PAM: variants seen among roughly 807,000 people sequenced by gnomAD.
PAM encodes peptidylglycine alpha-amidating monooxygenase.
Under a neutral mutation model 122.1 loss-of-function variants are expected in PAM, and 72 were observed. That is an observed-to-expected ratio of 0.59 (90% CI 0.49 to 0.72). The LOEUF (loss-of-function observed/expected upper bound fraction) is 0.72. PAM is among the 30% of genes least tolerant of loss of function. The pLI is 0.00. For synonymous variants in PAM, 389 were observed against 404.4 expected, an observed-to-expected ratio of 0.96 and a Z score of 0.46; for missense variants, 1,106 against 1,183.7, an observed-to-expected ratio of 0.93 and a Z score of 0.96.
intron 1 of PAM, among the ~76,000 whole-genome samples, chr5:102,829,392 G>A (rs1353553682): frequency 2.9e-5 from 4 of 137,450 alleles, no homozygotes; most frequent in Admixed American, 1.5e-4. Context: ...TTTTTTTTGA[G>A]ATGGAGTCTT....
At chr5:102,970,171 G>C (rs1765381191) in intron 14 of PAM, among the ~76,000 whole-genome samples, 1 of 152,176 alleles carries the variant, frequency 6.6e-6, no homozygotes. Flanking sequence ...TTTAGGGAGG[G>C]AAAAGGATGT....
At chr5:102,979,064 A>ACACG (rs1554150768) in intron 15 of PAM, among the ~76,000 whole-genome samples, 196 of 151,444 alleles carry the variant, frequency 1.3e-3, no homozygotes, top group African/African-American at 4.6e-3. Flanking sequence ...ACACACACGC[A>ACACG]CACACACATA....
chr5:102,932,659 A>G (rs998388562), intron 7 of PAM, among the ~76,000 whole-genome samples: 3 of 149,614 alleles, frequency 2.0e-5, no homozygotes, highest in Non-Finnish European at 3.0e-5. Context: ...ATAAATATAT[A>G]TATATAAAAA....
intron 1 of PAM, among the ~76,000 whole-genome samples, chr5:102,842,743 G>A (rs960975131): frequency 6.6e-6 from 1 of 152,216 alleles, no homozygotes; most frequent in Non-Finnish European, 1.5e-5. Flanking sequence ...AACAACAACA[G>A]TGTAATGAGT....
At chr5:102,755,507 TGGGGGGATGGGGC>T (rs899043245) in intron 1 of PAM, 159 bp downstream of exon 1, 4 of 21,788 alleles carry the variant, frequency 1.8e-4, no homozygotes, top group African/African-American at 7.1e-4. Flanking sequence ...GGGTCGGGGG[TGGGGGGATGGGGC>T]GGGGATCCAG....
At chr5:102,806,421 A>T (rs1317833040) in intron 1 of PAM, among the ~76,000 whole-genome samples, 1 of 152,206 alleles carries the variant, frequency 6.6e-6, no homozygotes. Flanking sequence ...TAATATGAAC[A>T]TTGGAAGACT....
chr5:103,017,576 T>G, intron 22 of PAM, 143 bp downstream of exon 22: 1 of 609,096 alleles, frequency 1.6e-6, no homozygotes, highest in Non-Finnish European at 2.9e-6. Context: ...AAAAGACCTA[T>G]TTGGTGTCCA....
At chr5:102,755,260 G>A (rs13177477), upstream of PAM, 8 of 152,360 alleles carry the variant, frequency 5.3e-5, no homozygotes, top group African/African-American at 1.9e-4. Context: ...TCCCCGCCCA[G>A]GGAGCCGGAG....
intron 1 of PAM, among the ~76,000 whole-genome samples, chr5:102,853,262 G>A (rs1260330734): frequency 6.6e-6 from 1 of 152,156 alleles, no homozygotes; most frequent in Non-Finnish European, 1.5e-5. Flanking sequence ...GATTAGTGAA[G>A]CATATTTCAG....
chr5:102,949,614 T>C lies in PAM; in HGVS notation c.721T>C (p.Leu241=). 2 of 1,359,532 alleles carry C rather than the reference T, an allele frequency of 1.5e-6. No individual in the cohort carries two copies. The highest frequency in any genetic ancestry group is 2.1e-6 in the Non-Finnish European group (2 of 948,764). 84.2% of individuals were successfully genotyped at this position (1,359,532 alleles called of 1,614,324 possible). The part of the protein sequence containing the change: ...VFAYRVHTHH[L]GKVVSGYRVR... The stretch of plus-strand genomic sequence containing the variant: ...TGCCTATAGAGTTCACACTCACCAT[T>C]TAGGTAAGAACTTTACATGTTAAAT... Residue 241 remains leucine, a synonymous_variant, in exon 10 of 26, where the codon TTA becomes CTA. Coordinates refer to ENST00000438793, the MANE Select transcript of PAM (RefSeq NM_001177306.2).
chr5:102,874,381 T>C (rs570587976), intron 3 of PAM, among the ~76,000 whole-genome samples: 1 of 152,328 alleles, frequency 6.6e-6, no homozygotes, highest in African/African-American at 2.4e-5. Flanking sequence ...GTCAATTGTT[T>C]AAGTTTAAAT....
At chr5:102,951,849 T>C (rs757340642) in intron 12 of PAM, among the ~76,000 whole-genome samples, 5 of 152,114 alleles carry the variant, frequency 3.3e-5, no homozygotes, top group Non-Finnish European at 5.9e-5. Flanking sequence ...TGGATAAATT[T>C]GCTAAATTTG....
At chr5:102,930,701 C>T (rs1230081570) in intron 7 of PAM, among the ~76,000 whole-genome samples, 8 of 152,224 alleles carry the variant, frequency 5.3e-5, no homozygotes, top group Non-Finnish European at 1.0e-4. Flanking sequence ...TTCCTAATGC[C>T]GCTCAGTCTT....
chr5:102,973,549 A>T (rs1298882253), intron 14 of PAM, among the ~76,000 whole-genome samples: 1 of 152,118 alleles, frequency 6.6e-6, no homozygotes, highest in Non-Finnish European at 1.5e-5. Flanking sequence ...TTTTTTGTTT[A>T]AGAGGAACAA....
chr5:102,765,066 A>T (rs1405293684), intron 1 of PAM, among the ~76,000 whole-genome samples: 1 of 151,834 alleles, frequency 6.6e-6, no homozygotes, highest in African/African-American at 2.4e-5. Flanking sequence ...GTTTCTTCTG[A>T]TTTATTCCAG....
chr5:102,821,729 G>GTT (rs149742731), intron 1 of PAM, among the ~76,000 whole-genome samples: 85 of 152,264 alleles, frequency 5.6e-4, no homozygotes, highest in Middle Eastern at 3.4e-3. Context: ...AAATGACCCA[G>GTT]TTAATCCAGT....
At chr5:102,802,938 C>T (rs940978098) in intron 1 of PAM, among the ~76,000 whole-genome samples, 1 of 151,902 alleles carries the variant, frequency 6.6e-6, no homozygotes, top group Non-Finnish European at 1.5e-5. Context: ...AGCAACATAG[C>T]GAGACCCCAT....
chr5:102,984,000 A>G (rs1770860098), intron 15 of PAM, among the ~76,000 whole-genome samples: 1 of 152,202 alleles, frequency 6.6e-6, no homozygotes, highest in Non-Finnish European at 1.5e-5. Flanking sequence ...CCTACAACAA[A>G]TGCATAAAGA....
chr5:102,845,235 G>A (rs1303408928), intron 1 of PAM, among the ~76,000 whole-genome samples: 1 of 152,200 alleles, frequency 6.6e-6, no homozygotes, highest in African/African-American at 2.4e-5. Flanking sequence ...CATGAGATGA[G>A]AGGAGGGGCA....
Sources: allele counts gnomAD v4.1 joint callset (sites outside exome capture counted in the v4.1 genomes callset), GRCh38; gene constraint gnomAD v4.1.1; transcripts MANE v1.5; gene names NCBI Gene and HGNC (gene_info 2026-07-23, HGNC 2026-07-21).